The following SDK1 variants were observed in gnomAD, a reference collection of about 807,000 sequenced individuals.
The protein encoded by SDK1 is sidekick cell adhesion molecule 1.
SDK1 carries 157 observed loss-of-function variants against 245.5 expected under a neutral mutation model. That is an observed-to-expected ratio of 0.64 (90% CI 0.56 to 0.73). SDK1 has a LOEUF of 0.73. Among genes scored for constraint, SDK1 ranks in the 30% least tolerant of loss-of-function variants. SDK1 has a pLI of 0.00. For missense variants in SDK1, 3,583 were observed against 3,002.3 expected, an observed-to-expected ratio of 1.19 and a Z score of -4.52; for synonymous variants, 1,647 against 1,278.5, an observed-to-expected ratio of 1.29 and a Z score of -6.15.
rs894367984 is a variant in SDK1, at chr7:3,862,834, A to G, written c.847+41251A>G. On this transcript the variant is annotated intron_variant, in intron 5 of 44. Coordinates refer to ENST00000404826, the MANE Select transcript of SDK1 (RefSeq NM_152744.4). ...ACATAAAACATTTTTCATGGTGGGT[A>G]GGGATGGTTTCAGGGTGTTCAGGCA... 1.1e-4 allele frequency among the ~76,000 whole-genome samples: 16 copies of G among 152,162 alleles called. 1 individual carries two copies. The highest frequency in any genetic ancestry group is 9.2e-4 in the Admixed American group (14 of 15,286).
At chr7:3,502,785 C>T (rs936989684) in intron 1 of SDK1, among the ~76,000 whole-genome samples, 1 of 152,182 alleles carries the variant, frequency 6.6e-6, no homozygotes, top group Non-Finnish European at 1.5e-5. Context: ...CAACACATTT[C>T]TTACACGTGA....
intron 5 of SDK1, among the ~76,000 whole-genome samples, chr7:3,929,889 C>T (rs1779912458): frequency 6.6e-6 from 1 of 152,176 alleles, no homozygotes; most frequent in South Asian, 2.1e-4. Context: ...CATTGCTCAG[C>T]TTCTCTTGAG....
chr7:3,558,920 A>G (rs1779668280), intron 1 of SDK1, among the ~76,000 whole-genome samples: 1 of 152,188 alleles, frequency 6.6e-6, no homozygotes, highest in Admixed American at 6.5e-5. Context: ...CTACAAATTC[A>G]CATAATCATT....
chr7:3,451,363 G>C (rs1780508302), intron 1 of SDK1, among the ~76,000 whole-genome samples: 1 of 152,142 alleles, frequency 6.6e-6, no homozygotes, highest in African/African-American at 2.4e-5. Flanking sequence ...GTAGGGCAGA[G>C]TAGGCCAGGG....
At chr7:3,473,620 G>A (rs752885917) in intron 1 of SDK1, among the ~76,000 whole-genome samples, 2 of 151,986 alleles carry the variant, frequency 1.3e-5, no homozygotes, top group Admixed American at 6.6e-5. Flanking sequence ...GCTTCCATGT[G>A]CTTTATTCAT....
At chr7:4,024,718 C>G (rs1047333401) in intron 17 of SDK1, among the ~76,000 whole-genome samples, 8 of 152,190 alleles carry the variant, frequency 5.3e-5, no homozygotes, top group African/African-American at 1.9e-4. Flanking sequence ...CTCACTTTCC[C>G]AAGGTGATAT....
intron 34 of SDK1, among the ~76,000 whole-genome samples, chr7:4,177,455 C>T (rs909896016): frequency 6.6e-6 from 1 of 152,230 alleles, no homozygotes; most frequent in African/African-American, 2.4e-5. Context: ...CTGTGTACAG[C>T]AGCCCACGCC....
chr7:3,919,145 C>G (rs1486425438), intron 5 of SDK1, among the ~76,000 whole-genome samples: 1 of 152,214 alleles, frequency 6.6e-6, no homozygotes, highest in Non-Finnish European at 1.5e-5. Context: ...CCCTCTGCCT[C>G]CTTTCACCTT....
chr7:3,786,655 G>A (rs1008219888), intron 4 of SDK1, among the ~76,000 whole-genome samples: 3 of 152,126 alleles, frequency 2.0e-5, no homozygotes, highest in Non-Finnish European at 2.9e-5. Flanking sequence ...CCTTAATACC[G>A]ATGAATTTTT....
chr7:3,414,398 A>ACTTCTGCCATG (rs1462470519), intron 1 of SDK1, among the ~76,000 whole-genome samples: 3 of 152,116 alleles, frequency 2.0e-5, no homozygotes, highest in Non-Finnish European at 4.4e-5. Flanking sequence ...TGGTGCCTGG[A>ACTTCTGCCATG]GTCTAAAGTG....
intron 1 of SDK1, among the ~76,000 whole-genome samples, chr7:3,364,150 T>A (rs977717646): frequency 1.3e-5 from 2 of 152,216 alleles, no homozygotes; most frequent in African/African-American, 4.8e-5. Context: ...TTTTCACTGT[T>A]GAATTTTAAG....
intron 22 of SDK1, among the ~76,000 whole-genome samples, chr7:4,094,467 C>G (rs546326306): frequency 1.3e-5 from 2 of 152,300 alleles, no homozygotes; most frequent in Admixed American, 6.5e-5. Context: ...TCCCCATGTG[C>G]TGACATTCGC....
chr7:3,969,433 C>T lies in SDK1; in HGVS notation c.1714+9C>T. Reference sequence around the variant, plus strand: ...CACGCTCACTGTGTGGAGTAAGGAGCAGCCCTCGCACGTCGGCCTTCTGTT... The same window carrying T: ...CACGCTCACTGTGTGGAGTAAGGAGTAGCCCTCGCACGTCGGCCTTCTGTT... On this transcript the variant is annotated intron_variant, in intron 11 of 44. Transcript: ENST00000404826. 3 of 1,540,226 alleles carry T rather than the reference C, an allele frequency of 1.9e-6. No homozygotes were observed. The highest frequency in any genetic ancestry group is 3.8e-5 in the Admixed American group (2 of 52,222).
chr7:4,174,299 G>C lies in SDK1; in HGVS notation c.4878G>C (p.Gly1626=). Residue 1626 remains glycine (G), a synonymous_variant, in exon 33 of 45, where the codon GGG becomes GGC. Coordinates refer to ENST00000404826, the MANE Select transcript of SDK1 (RefSeq NM_152744.4). ...IYYRELEYEA[G]SGTEAKTLKN... Reference sequence around the variant, plus strand: ...ACAGGGAGCTGGAGTATGAAGCCGGGTCAGGCACTGAGGCCAAGACGCTCA... The same window carrying C: ...ACAGGGAGCTGGAGTATGAAGCCGGCTCAGGCACTGAGGCCAAGACGCTCA... 4 of 1,613,978 alleles carry C rather than the reference G, an allele frequency of 2.5e-6. No individual in the cohort carries two copies. Among genetic ancestry groups the C allele is most frequent in the Non-Finnish European group, 2.5e-6 (3 of 1,179,854 alleles).
At chr7:3,941,834 G>A (rs940141278) in intron 5 of SDK1, among the ~76,000 whole-genome samples, 1 of 151,798 alleles carries the variant, frequency 6.6e-6, no homozygotes, top group Non-Finnish European at 1.5e-5. Context: ...AGTTGTTACA[G>A]TTGCAGTCAT....
At chr7:3,822,940 GC>G (rs1304256965) in intron 5 of SDK1, among the ~76,000 whole-genome samples, 1 of 152,092 alleles carries the variant, frequency 6.6e-6, no homozygotes, top group Non-Finnish European at 1.5e-5. Flanking sequence ...GGTCTCAGAT[GC>G]CTGCCTAATT....
intron 1 of SDK1, among the ~76,000 whole-genome samples, chr7:3,430,823 G>T (rs1292216336): frequency 1.3e-5 from 2 of 152,224 alleles, no homozygotes; most frequent in African/African-American, 4.8e-5. Context: ...ATGAAGCAAG[G>T]ATGGGGGCTG....
intron 4 of SDK1, among the ~76,000 whole-genome samples, chr7:3,818,518 A>G (rs1419287889): frequency 1.3e-5 from 2 of 152,242 alleles, no homozygotes; most frequent in Admixed American, 6.5e-5. Context: ...ATGTGTACAC[A>G]CATATGTAGA....
At chr7:3,397,685 C>T (rs1257971257) in intron 1 of SDK1, among the ~76,000 whole-genome samples, 3 of 151,926 alleles carry the variant, frequency 2.0e-5, no homozygotes. Flanking sequence ...CATTGAACTT[C>T]TTGGATATGT....
Sources: gnomAD v4.1 joint callset for allele counts (sites outside exome capture counted in the v4.1 genomes callset) on GRCh38, gnomAD v4.1.1 for gene constraint, MANE v1.5 for transcripts, NCBI Gene and HGNC (gene_info 2026-07-23, HGNC 2026-07-21) for gene names.